The following VWA5A variants were observed in gnomAD, a reference collection of about 807,000 sequenced individuals.
VWA5A encodes von Willebrand factor A domain-containing protein 5A.
In VWA5A, 77 loss-of-function variants were observed where a neutral mutation model predicts 84.6. The ratio of observed to expected loss-of-function variants is 0.91; its 90% CI spans 0.76 to 1.10. The LOEUF is 1.10. Ranked by LOEUF, VWA5A falls within the 50% of genes least tolerant of loss-of-function variation. The pLI, the probability that VWA5A is intolerant of heterozygous loss-of-function variation, is 0.00. For synonymous variants in VWA5A, 334 were observed against 350.1 expected, an observed-to-expected ratio of 0.95 and a Z score of 0.51; for missense variants, 973 against 963.0, an observed-to-expected ratio of 1.01 and a Z score of -0.14.
chr11:124,142,153 C>T (rs924209738), intron 16 of VWA5A, among the ~76,000 whole-genome samples: 5 of 152,138 alleles, frequency 3.3e-5, no homozygotes, highest in South Asian at 4.1e-4. Context: ...TCTAGGGTGA[C>T]CCCTAGTCGA....
At chr11:124,118,910 A>G in intron 6 of VWA5A, 65 bp from the exon 7 acceptor site, 1 of 1,526,634 alleles carries the variant, frequency 6.6e-7, no homozygotes, top group Non-Finnish European at 9.0e-7. Context: ...CTGCGCCCTA[A>G]CCTCAGCCCC....
chr11:124,123,046 A>T lies in VWA5A; in HGVS notation c.847A>T (p.Ile283Phe). Residue 283 changes from isoleucine to phenylalanine, a missense_variant, in exon 8 of 19, where the codon ATC (isoleucine) becomes TTC (phenylalanine). Physicochemically the swap from Ile to Phe is conservative, Grantham distance 21. Coordinates refer to ENST00000456829, the MANE Select transcript of VWA5A (RefSeq NM_001130142.2). Reference sequence around the variant, plus strand: ...ACCATCAAATACCTGTGGAGAGTTTATCTTTCTCATGGACCGCTCGGGAAG... The same window carrying T: ...ACCATCAAATACCTGTGGAGAGTTTTTCTTTCTCATGGACCGCTCGGGAAG... ...DQPSNTCGEF[I>F]FLMDRSGSMQ... is the part of the protein sequence containing the mutation. 6.2e-7 allele frequency: 1 copy of T among 1,614,170 alleles called. No individual in the cohort carries two copies. Among genetic ancestry groups the T allele is most frequent in the East Asian group, 2.2e-5 (1 of 44,882 alleles).
intron 2 of VWA5A, chr11:124,117,240 A>G: frequency 1.8e-6 from 1 of 544,364 alleles, no homozygotes; most frequent in East Asian, 3.1e-5. Context: ...TGGTATTTGA[A>G]CCAGCCTCAG....
rs751860581 is a variant in VWA5A, at chr11:124,136,631, G to A, written c.1582G>A (p.Glu528Lys). 1 of 1,614,082 alleles carries A rather than the reference G, an allele frequency of 6.2e-7. No individual in the cohort carries two copies. The highest frequency in any genetic ancestry group is 8.5e-7 in the Non-Finnish European group (1 of 1,180,014). ...ATATACACTCCAGGGCAAGACTTTTGAGGATAAGGTGACATTTCCTCTACA... is the reference window on the plus strand; with the variant it reads ...ATATACACTCCAGGGCAAGACTTTTAAGGATAAGGTGACATTTCCTCTACA... ...LKYTLQGKTF[E>K]DKVTFPLQPK... Residue 528 changes from glutamate (E) to lysine (K), a missense_variant, in exon 14 of 19, where the codon GAG (glutamate) becomes AAG (lysine). Transcript: ENST00000456829.
At chr11:124,140,920 C>T (rs1860712884) in intron 15 of VWA5A, among the ~76,000 whole-genome samples, 1 of 152,144 alleles carries the variant, frequency 6.6e-6, no homozygotes. Context: ...AACAATTCTG[C>T]ATAATAACAA....
rs764888823 is a variant in VWA5A, at chr11:124,123,161, C to T, written c.930+32C>T. On this transcript the variant is annotated intron_variant, in intron 8 of 18. Coordinates refer to ENST00000456829, the MANE Select transcript of VWA5A (RefSeq NM_001130142.2). ...CTAGTTTCTTTCCTCTTCTGGGTCA[C>T]ATGCTCAAGTGAGGATGAATCTGAG... 17 of 1,598,458 alleles carry T rather than the reference C, an allele frequency of 1.1e-5. No individual in the cohort carries two copies. The African/African-American group carries it at 1.7e-4, about 16-fold the overall frequency.
At chr11:124,137,416 A>G (rs1162031582) in intron 15 of VWA5A, 148 bp downstream of exon 15, 7 of 1,139,878 alleles carry the variant, frequency 6.1e-6, no homozygotes, top group Non-Finnish European at 8.4e-6. Flanking sequence ...TTAGTGTTAA[A>G]TTTTTCTGTC....
intron 18 of VWA5A, 63 bp downstream of exon 18, chr11:124,145,426 AAG>A (rs1860802405): frequency 6.6e-7 from 1 of 1,523,736 alleles, no homozygotes; most frequent in Admixed American, 2.0e-5. Flanking sequence ...AGGTGACCAC[AAG>A]AGAGTCCCAT....
intron 7 of VWA5A, among the ~76,000 whole-genome samples, chr11:124,121,294 A>G (rs1465955167): frequency 6.6e-6 from 1 of 152,142 alleles, no homozygotes; most frequent in Admixed American, 6.5e-5. Flanking sequence ...TAATTTTATA[A>G]TATTGGTTAT....
At position 124,137,169 on chromosome 11, in the gene VWA5A, G is replaced by C; in HGVS notation, c.1780G>C (p.Glu594Gln). 1 of 1,614,026 alleles carries C rather than the reference G, an allele frequency of 6.2e-7. No individual in the cohort carries two copies. Among genetic ancestry groups the C allele is most frequent in the Non-Finnish European group, 8.5e-7 (1 of 1,180,022 alleles). ...CACAGCTTTCATTGCTATCAATAAGGAGCTCAACAAGCCGGTTCAGGGGCC... is the reference window on the plus strand; with the variant it reads ...CACAGCTTTCATTGCTATCAATAAGCAGCTCAACAAGCCGGTTCAGGGGCC... ...SFTAFIAINK[E>Q]LNKPVQGPLA... The change falls in exon 15 of 19, where the codon GAG becomes CAG. Residue 594 changes from glutamate to glutamine, a missense_variant. By Grantham distance (29) the Glu-to-Gln change is conservative. Transcript: ENST00000456829.
Position 124,145,277 on chromosome 11 carries a change from T to C in VWA5A, c.2195T>C (p.Ile732Thr). The part of the protein sequence containing the change: ...SSGWATILAV[I>T]WLHSNGKDLK... ...GGCTGGGCCACCATCCTGGCCGTGA[T>C]CTGGCTGCACAGCAATGGTAAGGAC... is the stretch of plus-strand genomic sequence containing the variant. The change falls in exon 18 of 19, where the codon ATC becomes ACC. Residue 732 changes from isoleucine to threonine, a missense_variant. Transcript: ENST00000456829. 6.2e-7 allele frequency: 1 copy of C among 1,613,852 alleles called. No individual in the cohort carries two copies. Among genetic ancestry groups the C allele is most frequent in the Non-Finnish European group, 8.5e-7 (1 of 1,179,844 alleles).
Position 124,118,560 on chromosome 11 carries a change from T to C in VWA5A, c.497T>C (p.Val166Ala). The C allele has an allele frequency of 6.2e-7, 1 of 1,614,184 alleles. No individual in the cohort carries two copies. Among genetic ancestry groups the C allele is most frequent in the Non-Finnish European group, 8.5e-7 (1 of 1,180,034 alleles). The stretch of plus-strand genomic sequence containing the variant: ...TCGTCTAAGGACAGTTGCCTTAATG[T>C]GAAGACTCCTATAGTCCCTGTGGAG... ...SGSSKDSCLN[V>A]KTPIVPVEDL... The change falls in exon 6 of 19, where the codon GTG becomes GCG. Residue 166 changes from valine to alanine, a missense_variant. Coordinates refer to ENST00000456829, the MANE Select transcript of VWA5A (RefSeq NM_001130142.2).
intron 4 of VWA5A, 61 bp downstream of exon 4, chr11:124,117,936 T>C (rs1406743622): frequency 4.4e-6 from 7 of 1,574,088 alleles, no homozygotes; most frequent in Non-Finnish European, 6.1e-6. Flanking sequence ...ATTTCCTTAA[T>C]GCATACTCTT....
At chr11:124,117,904 T>C in intron 4 of VWA5A, 29 bp downstream of exon 4, 1 of 1,610,538 alleles carries the variant, frequency 6.2e-7, no homozygotes, top group East Asian at 2.2e-5. Flanking sequence ...TCCCTTCTTA[T>C]TACATTACCT....
chr11:124,118,822 G>T, intron 6 of VWA5A, 114 bp downstream of exon 6: 1 of 1,383,136 alleles, frequency 7.2e-7, no homozygotes. Flanking sequence ...CATGCTCCTT[G>T]CATATCGTCA....
chr11:124,127,548 G>T (rs1865037163), intron 11 of VWA5A, among the ~76,000 whole-genome samples: 1 of 152,132 alleles, frequency 6.6e-6, no homozygotes. Context: ...GGATTGCTGG[G>T]TCAAATGATA....
intron 2 of VWA5A, 38 bp downstream of exon 2, chr11:124,116,718 C>T (rs567935935): frequency 6.6e-6 from 1 of 152,112 alleles, no homozygotes; most frequent in Non-Finnish European, 1.5e-5. Flanking sequence ...TATCCAATTT[C>T]TCAAAATAAA....
At position 124,123,731 on chromosome 11, in the gene VWA5A, TA is replaced by T; in HGVS notation, c.1092del (p.Gly366AlafsTer38). 1 of 1,611,688 alleles carries T rather than the reference TA, an allele frequency of 6.2e-7. No homozygotes were observed. Among genetic ancestry groups the T allele is most frequent in the African/African-American group, 1.3e-5 (1 of 74,848 alleles). ...AGAGTGAAGCTTATGCAGGCCGACCTAGGGGGCACTGAAATCTTGGCACCAC... is the reference window on the plus strand; with the variant it reads ...AGAGTGAAGCTTATGCAGGCCGACCTGGGGGCACTGAAATCTTGGCACCAC... ...LGRVKLMQAD[L>X]GGTEILAPLQ... On this transcript the variant is annotated frameshift_variant, in exon 10 of 19. Coordinates refer to ENST00000456829, the MANE Select transcript of VWA5A (RefSeq NM_001130142.2). LOFTEE classifies it high-confidence loss of function.
intron 7 of VWA5A, among the ~76,000 whole-genome samples, chr11:124,119,372 A>G (rs1864895892): frequency 6.6e-6 from 1 of 152,250 alleles, no homozygotes; most frequent in Non-Finnish European, 1.5e-5. Context: ...TGTGGCAATG[A>G]TCAGTCTTGA....
Sources: gnomAD v4.1 joint callset for allele counts (sites outside exome capture counted in the v4.1 genomes callset) on GRCh38, gnomAD v4.1.1 for gene constraint, MANE v1.5 for transcripts, NCBI Gene and HGNC (gene_info 2026-07-23, HGNC 2026-07-21) for gene names.